Variants in RANBP2 observed in about 807,000 individuals in gnomAD.
The protein encoded by RANBP2 is RAN binding protein 2.
RANBP2 carries 57 observed loss-of-function variants against 303.6 expected under a neutral mutation model. The ratio of observed to expected loss-of-function variants is 0.19; its 90% CI spans 0.15 to 0.23. The LOEUF is 0.23. Ranked by LOEUF, RANBP2 falls within the 10% of genes least tolerant of loss-of-function variation. RANBP2 has a pLI of 1.00. For synonymous variants in RANBP2, 1,167 were observed against 1,301.5 expected, an observed-to-expected ratio of 0.90 and a Z score of 2.23; for missense variants, 3,138 against 3,780.8, an observed-to-expected ratio of 0.83 and a Z score of 4.46.
At chr2:109,600,486 C>A in the RANBP2 span, among the ~76,000 whole-genome samples, 1 of 151,780 alleles carries the variant, frequency 6.6e-6, no homozygotes, top group Admixed American at 6.6e-5. Context: ...CCAAACTGCC[C>A]CTCAAAAAGA....
the RANBP2 span, among the ~76,000 whole-genome samples, chr2:109,346,380 C>T: frequency 1.3e-5 from 2 of 152,166 alleles, no homozygotes; most frequent in South Asian, 4.1e-4. Context: ...CGATGTACTA[C>T]TGCTTCAGGC....
the RANBP2 span, among the ~76,000 whole-genome samples, chr2:109,295,753 A>G: frequency 1.3e-5 from 2 of 152,088 alleles, no homozygotes; most frequent in African/African-American, 2.4e-5. Flanking sequence ...TGAATCTCCC[A>G]TGGTTGTGAG....
chr2:109,258,495 A>G, the RANBP2 span, among the ~76,000 whole-genome samples: 1 of 152,128 alleles, frequency 6.6e-6, no homozygotes, highest in Non-Finnish European at 1.5e-5. Flanking sequence ...GGCCAATCCA[A>G]TCATGTAGGC....
At chr2:109,488,882 G>A in the RANBP2 span, among the ~76,000 whole-genome samples, 1 of 152,188 alleles carries the variant, frequency 6.6e-6, no homozygotes, top group Non-Finnish European at 1.5e-5. Flanking sequence ...GAGATAGGCC[G>A]GGAGGCTGCA....
the RANBP2 span, among the ~76,000 whole-genome samples, chr2:109,562,906 C>T: frequency 6.6e-6 from 1 of 150,774 alleles, no homozygotes; most frequent in African/African-American, 2.4e-5. Context: ...TAAGTACACA[C>T]AATGCTTTTT....
the RANBP2 span, among the ~76,000 whole-genome samples, chr2:109,174,189 TG>T: frequency 6.6e-6 from 1 of 152,236 alleles, no homozygotes; most frequent in African/African-American, 2.4e-5. Context: ...AAGGTAGCCA[TG>T]GATGTCCCTG....
the RANBP2 span, among the ~76,000 whole-genome samples, chr2:109,176,965 T>C: frequency 1.3e-5 from 2 of 152,100 alleles, no homozygotes; most frequent in Non-Finnish European, 2.9e-5. Context: ...GCATTTTAGG[T>C]GAGGTATGAT....
At chr2:109,400,309 A>G in the RANBP2 span, among the ~76,000 whole-genome samples, 176 of 152,040 alleles carry the variant, frequency 1.2e-3, no homozygotes, top group South Asian at 3.3e-3. Flanking sequence ...ACTCATACAC[A>G]TGGCACACAC....
the RANBP2 span, among the ~76,000 whole-genome samples, chr2:109,455,145 G>T: frequency 2.6e-5 from 4 of 152,330 alleles, no homozygotes; most frequent in East Asian, 7.7e-4. Context: ...CCTGTGTTGG[G>T]TCCAAGTGCT....
At chr2:109,511,048 A>G in the RANBP2 span, among the ~76,000 whole-genome samples, 1 of 152,164 alleles carries the variant, frequency 6.6e-6, no homozygotes, top group African/African-American at 2.4e-5. Flanking sequence ...AATTATGACC[A>G]TGCAATTTCA....
chr2:108,931,549 C>T, the RANBP2 span, among the ~76,000 whole-genome samples: 1 of 152,214 alleles, frequency 6.6e-6, no homozygotes, highest in Admixed American at 6.5e-5. Flanking sequence ...AATAACCTAA[C>T]TTTACAGTTG....
chr2:109,152,839 A>G, the RANBP2 span, among the ~76,000 whole-genome samples: 1 of 152,162 alleles, frequency 6.6e-6, no homozygotes, highest in Non-Finnish European at 1.5e-5. Context: ...CTCACAGTGA[A>G]TATCACCTGT....
At chr2:108,956,089 T>C in the RANBP2 span, among the ~76,000 whole-genome samples, 1 of 152,208 alleles carries the variant, frequency 6.6e-6, no homozygotes, top group Non-Finnish European at 1.5e-5. Flanking sequence ...ACTTGTGGTT[T>C]GACTGTTTCA....
chr2:109,071,869 G>T, the RANBP2 span, among the ~76,000 whole-genome samples: 2 of 152,166 alleles, frequency 1.3e-5, no homozygotes, highest in Non-Finnish European at 2.9e-5. Context: ...GAACATGCCA[G>T]CATTTAGAGG....
the RANBP2 span, among the ~76,000 whole-genome samples, chr2:109,535,324 G>A: frequency 2.4e-4 from 37 of 152,174 alleles, no homozygotes; most frequent in East Asian, 9.6e-4. Flanking sequence ...TCACAGAACC[G>A]TCACCAACAC....
intron 22 of RANBP2, 24 bp downstream of exon 22, chr2:108,772,605 TATA>T (rs554665840): frequency 2.6e-5 from 42 of 1,587,352 alleles, no homozygotes; most frequent in Non-Finnish European, 3.5e-5. Flanking sequence ...AAAGGACATT[TATA>T]ATGCTTTTAA....
In RANBP2 at chr2:108,735,895, T is replaced by G. The variant is rs1695541384; in HGVS notation, c.636+133T>G. The G allele has an allele frequency of 2.0e-6, 3 of 1,533,044 alleles. No homozygotes were observed. The East Asian group carries it at 6.8e-5, about 35-fold the overall frequency. 95.0% of individuals were successfully genotyped at this position (1,533,044 alleles called of 1,614,324 possible). On this transcript the variant is annotated intron_variant, in intron 5 of 28. Transcript: ENST00000283195. ...GTAGAACAGTTATAAAATGAAATTT[T>G]TACCAGGATCAGTTAAATTTATAAT...
At chr2:109,171,171 A>G in the RANBP2 span, among the ~76,000 whole-genome samples, 1 of 152,122 alleles carries the variant, frequency 6.6e-6, no homozygotes, top group East Asian at 1.9e-4. Context: ...ATATATGTAC[A>G]TTTTTTGGTT....
chr2:109,382,411 C>T, the RANBP2 span, among the ~76,000 whole-genome samples: 1 of 152,252 alleles, frequency 6.6e-6, no homozygotes, highest in Non-Finnish European at 1.5e-5. Context: ...TGCGCCCAGC[C>T]CACTGGCCAC....
Sources: allele counts gnomAD v4.1 joint callset (sites outside exome capture counted in the v4.1 genomes callset), GRCh38; gene constraint gnomAD v4.1.1; transcripts MANE v1.5; gene names NCBI Gene and HGNC (gene_info 2026-07-23, HGNC 2026-07-21).